GLB1: variants seen among roughly 807,000 people sequenced by gnomAD.
GLB1 encodes beta-galactosidase.
A neutral mutation model predicts 74.0 loss-of-function variants in GLB1; 56 were observed. The observed-to-expected ratio is 0.76, with a 90% CI of 0.61 to 0.94. The LOEUF (loss-of-function observed/expected upper bound fraction) is 0.94, where lower values mean the gene tolerates loss of function less well. Among genes scored for constraint, GLB1 ranks in the 40% least tolerant of loss-of-function variants. The probability of loss-of-function intolerance (pLI) is 0.00; values close to 1 mark genes in which losing one functional copy is unlikely to be tolerated. For synonymous variants in GLB1, 323 were observed against 323.6 expected, an observed-to-expected ratio of 1.00 and a Z score of 0.02; for missense variants, 787 against 845.5, an observed-to-expected ratio of 0.93 and a Z score of 0.86.
At chr3:33,087,386 A>G (rs547208305) in intron 1 of GLB1, among the ~76,000 whole-genome samples, 2 of 152,266 alleles carry the variant, frequency 1.3e-5, no homozygotes, top group East Asian at 1.9e-4. Context: ...CCTGGCCAAC[A>G]TGGTGAAACC....
At position 33,087,993 on chromosome 3, in the gene GLB1, T is replaced by C. The variant is rs184230123; in HGVS notation, c.75+9018A>G. On this transcript the variant is annotated intron_variant, in intron 1 of 15. Coordinates refer to ENST00000307363, the MANE Select transcript of GLB1 (RefSeq NM_000404.4). ...CAATATAATACACCAAATTAACAGA[T>C]TGAAGGGCAAAAACCACATGATAAT... is the stretch of plus-strand genomic sequence containing the variant. Among the ~76,000 whole-genome samples, 95 of 152,132 alleles carry C rather than the reference T, an allele frequency of 6.2e-4. 1 individual carries two copies. Among genetic ancestry groups the C allele is most frequent in the Admixed American group, 5.6e-3 (85 of 15,262 alleles).
chr3:33,007,390 C>T (rs915903674), intron 15 of GLB1, among the ~76,000 whole-genome samples: 2 of 152,252 alleles, frequency 1.3e-5, no homozygotes, highest in African/African-American at 4.8e-5. Flanking sequence ...TTTCCCTGCT[C>T]TAGGCAATCA....
chr3:33,038,712 C>T (rs1024477468), intron 10 of GLB1, among the ~76,000 whole-genome samples: 1 of 152,094 alleles, frequency 6.6e-6, no homozygotes, highest in Non-Finnish European at 1.5e-5. Context: ...GGAGAAAGAA[C>T]CCTGGTAAAT....
chr3:33,088,887 T>C (rs1457919810), intron 1 of GLB1, among the ~76,000 whole-genome samples: 1 of 152,174 alleles, frequency 6.6e-6, no homozygotes, highest in East Asian at 1.9e-4. Context: ...TCAAAACATA[T>C]TGCAAAGCTG....
At chr3:32,988,433 T>C in the GLB1 span, among the ~76,000 whole-genome samples, 12 of 152,216 alleles carry the variant, frequency 7.9e-5, no homozygotes, top group Admixed American at 7.2e-4. Flanking sequence ...ATTCACATTC[T>C]ACATATGTTA....
intron 6 of GLB1, among the ~76,000 whole-genome samples, chr3:33,054,820 G>A (rs1408055008): frequency 6.6e-6 from 1 of 152,170 alleles, no homozygotes; most frequent in Non-Finnish European, 1.5e-5. Flanking sequence ...CCACAGAGAA[G>A]GAATGGGCTG....
chr3:32,974,549 A>G, the GLB1 span, among the ~76,000 whole-genome samples: 2 of 152,184 alleles, frequency 1.3e-5, no homozygotes, highest in African/African-American at 4.8e-5. Context: ...ATGATTATGG[A>G]ATCTGAAATG....
chr3:33,033,950 A>C (rs1698165201), intron 10 of GLB1: 1 of 553,742 alleles, frequency 1.8e-6, no homozygotes, highest in Non-Finnish European at 3.6e-6. Context: ...CCGCCTGGCA[A>C]CCTGCTCATC....
At chr3:33,077,849 CA>C (rs150278896) in intron 1 of GLB1, among the ~76,000 whole-genome samples, 36 of 146,370 alleles carry the variant, frequency 2.5e-4, no homozygotes, top group South Asian at 8.6e-4. Context: ...GCTGTTTTAA[CA>C]AAAAAAAAAC....
chr3:33,028,327 AAGTTT>A (rs1346523853), intron 10 of GLB1, among the ~76,000 whole-genome samples: 7 of 152,150 alleles, frequency 4.6e-5, no homozygotes, highest in African/African-American at 1.7e-4. Flanking sequence ...AAGATAAAGA[AAGTTT>A]ATCTTCCTTT....
intron 1 of GLB1, among the ~76,000 whole-genome samples, chr3:33,083,439 G>A (rs1209302303): frequency 6.7e-6 from 1 of 149,914 alleles, no homozygotes; most frequent in Non-Finnish European, 1.5e-5. Context: ...AGGAAGAAAG[G>A]AGGAAAAAGG....
chr3:33,001,864 C>T (rs1696586347), intron 15 of GLB1, among the ~76,000 whole-genome samples: 1 of 152,178 alleles, frequency 6.6e-6, no homozygotes, highest in Non-Finnish European at 1.5e-5. Flanking sequence ...AAAAGAAAAA[C>T]ATTTGCCTTC....
chr3:32,977,082 G>A, the GLB1 span, among the ~76,000 whole-genome samples: 1 of 152,144 alleles, frequency 6.6e-6, no homozygotes, highest in Non-Finnish European at 1.5e-5. Flanking sequence ...TGGTGAGATC[G>A]TTCATGAACT....
At chr3:33,002,144 G>A (rs895063064) in intron 15 of GLB1, among the ~76,000 whole-genome samples, 1 of 152,068 alleles carries the variant, frequency 6.6e-6, no homozygotes, top group Non-Finnish European at 1.5e-5. Context: ...GACTTTCTCT[G>A]ACCACGGCTT....
the GLB1 span, among the ~76,000 whole-genome samples, chr3:32,965,782 G>T: frequency 1.8e-4 from 27 of 152,332 alleles, no homozygotes; most frequent in African/African-American, 6.0e-4. Context: ...CCCCCCTGCA[G>T]TGTACAGCTT....
intron 14 of GLB1, among the ~76,000 whole-genome samples, chr3:33,015,320 A>G (rs1408885874): frequency 6.6e-6 from 1 of 152,194 alleles, no homozygotes; most frequent in Non-Finnish European, 1.5e-5. Context: ...CTCACCTGTT[A>G]TGAGGGCCAA....
chr3:33,082,592 C>G (rs1559416986), intron 1 of GLB1, among the ~76,000 whole-genome samples: 2 of 152,124 alleles, frequency 1.3e-5, no homozygotes, highest in Admixed American at 6.5e-5. Flanking sequence ...AAGCAGCTAC[C>G]ATGTAGGTAT....
chr3:33,007,826 A>AGCCTAGAT (rs1302001926), intron 15 of GLB1, among the ~76,000 whole-genome samples: 1 of 152,254 alleles, frequency 6.6e-6, no homozygotes, highest in Non-Finnish European at 1.5e-5. Context: ...AAAGAGCCCC[A>AGCCTAGAT]GCCTAGATAA....
chr3:33,046,153 C>A lies in GLB1; in HGVS notation c.1035G>T (p.Glu345Asp). The change falls in exon 10 of 16, where the codon GAG (glutamate) becomes GAT (aspartate). Residue 345 changes from glutamate to aspartate, a missense_variant. Physicochemically the swap from Glu to Asp is conservative, Grantham distance 45 (BLOSUM62 2). Coordinates refer to ENST00000307363, the MANE Select transcript of GLB1 (RefSeq NM_000404.4). ...APLSEAGDLT[E>D]KYFALRNIIQ... ...TGATGTTTCGCAGAGCAAAATACTT[C>A]TCAGTGAGGTCCCCAGCCTCACTCA... 1 of 1,613,740 alleles carries A rather than the reference C, an allele frequency of 6.2e-7. No individual in the cohort carries two copies. The highest frequency in any genetic ancestry group is 8.5e-7 in the Non-Finnish European group (1 of 1,180,000).
Sources: gnomAD v4.1 joint callset for allele counts (sites outside exome capture counted in the v4.1 genomes callset) on GRCh38, gnomAD v4.1.1 for gene constraint, MANE v1.5 for transcripts, NCBI Gene and HGNC (gene_info 2026-07-23, HGNC 2026-07-21) for gene names.